Variants in CLPB observed in about 807,000 individuals in gnomAD.
CLPB encodes mitochondrial disaggregase.
CLPB carries 40 observed loss-of-function variants against 78.4 expected under a neutral mutation model. The ratio of observed to expected loss-of-function variants is 0.51; its 90% CI spans 0.40 to 0.66. The LOEUF is 0.66. Among genes scored for constraint, CLPB ranks in the 30% least tolerant of loss-of-function variants. CLPB has a pLI of 0.00. For synonymous variants in CLPB, 333 were observed against 348.0 expected, an observed-to-expected ratio of 0.96 and a Z score of 0.48; for missense variants, 780 against 886.9, an observed-to-expected ratio of 0.88 and a Z score of 1.53.
At chr11:72,376,998 A>T (rs943089752) in intron 4 of CLPB, among the ~76,000 whole-genome samples, 1 of 152,192 alleles carries the variant, frequency 6.6e-6, no homozygotes, top group African/African-American at 2.4e-5. Context: ...ACACTTGGGT[A>T]ATTACCGGGT....
In CLPB at chr11:72,361,612, C is replaced by T. The variant is rs966418897; in HGVS notation, c.647-2604G>A. ...AAAGCTGAAAAAGGAATTCAGAGTA[C>T]AGCACCTCAAAAGCCCCTAAGGGCA... On this transcript the variant is annotated intron_variant, in intron 4 of 15. Transcript: ENST00000538039. Among the ~76,000 whole-genome samples, 11 of 152,314 alleles carry T rather than the reference C, an allele frequency of 7.2e-5. No individual in the cohort carries two copies. The East Asian group carries it at 1.9e-3, about 27-fold the overall frequency.
chr11:72,344,021 C>T (rs1043925157), intron 5 of CLPB, among the ~76,000 whole-genome samples: 1 of 152,068 alleles, frequency 6.6e-6, no homozygotes, highest in South Asian at 2.1e-4. Flanking sequence ...CAATACTGCT[C>T]GACAAAACCA....
chr11:72,337,479 T>G (rs867091959), intron 5 of CLPB, among the ~76,000 whole-genome samples: 45 of 152,292 alleles, frequency 3.0e-4, no homozygotes, highest in African/African-American at 1.0e-3. Flanking sequence ...CAGGCTAACA[T>G]TTTTTGGGTA....
At chr11:72,355,906 C>A (rs1380295966) in intron 5 of CLPB, among the ~76,000 whole-genome samples, 1 of 152,194 alleles carries the variant, frequency 6.6e-6, no homozygotes, top group Non-Finnish European at 1.5e-5. Flanking sequence ...CACAGGCTGG[C>A]CTCTGTATTT....
intron 7 of CLPB, among the ~76,000 whole-genome samples, chr11:72,313,200 G>A (rs550147762): frequency 1.3e-5 from 2 of 152,242 alleles, no homozygotes; most frequent in Admixed American, 6.5e-5. Flanking sequence ...CCTTCAGAGG[G>A]ACTCTCATGG....
At chr11:72,324,286 G>A (rs1055936576) in intron 6 of CLPB, among the ~76,000 whole-genome samples, 4 of 152,080 alleles carry the variant, frequency 2.6e-5, no homozygotes, top group African/African-American at 9.7e-5. Context: ...TTAAAAAAAA[G>A]GCCAGGCATG....
intron 3 of CLPB, among the ~76,000 whole-genome samples, chr11:72,386,239 A>AT (rs1285479317): frequency 6.6e-6 from 1 of 152,124 alleles, no homozygotes; most frequent in Non-Finnish European, 1.5e-5. Context: ...GTCAGGATGA[A>AT]TTTTTTTAAA....
intron 2 of CLPB, among the ~76,000 whole-genome samples, chr11:72,427,822 G>A (rs1045248093): frequency 6.6e-6 from 1 of 152,190 alleles, no homozygotes; most frequent in Non-Finnish European, 1.5e-5. Context: ...GACTGTATGT[G>A]TAAATTCAAA....
In CLPB at chr11:72,293,491, G is replaced by C. The variant is rs760495960; in HGVS notation, c.1910C>G (p.Pro637Arg). The part of the protein sequence containing the change: ...DKQLLKSPEL[P>R]SPQAEKRLPK... ...GAGGCGCTTCTCAGCCTGGGGTGAG[G>C]GCAGTTCTGGGCTTTTGAGTAGCTG... Residue 637 changes from proline (P) to arginine (R), a missense_variant, in exon 16 of 16, where the codon CCC becomes CGC. Pro to Arg is a moderately radical substitution (Grantham distance 103). This residue lies in a region of CLPB where 272 missense variants were observed against 304.0 expected (regional missense o/e 0.89). Transcript: ENST00000538039. 1 of 1,614,158 alleles carries C rather than the reference G, an allele frequency of 6.2e-7. No homozygotes were observed. The highest frequency in any genetic ancestry group is 8.5e-7 in the Non-Finnish European group (1 of 1,180,032).
intron 9 of CLPB, among the ~76,000 whole-genome samples, chr11:72,303,671 C>T (rs1362235855): frequency 6.6e-6 from 1 of 152,200 alleles, no homozygotes; most frequent in Non-Finnish European, 1.5e-5. Flanking sequence ...GCTATCAGCA[C>T]ATGGGGCATA....
At chr11:72,297,023 C>T (rs1949563373) in intron 11 of CLPB, among the ~76,000 whole-genome samples, 2 of 152,244 alleles carry the variant, frequency 1.3e-5, no homozygotes, top group Non-Finnish European at 1.5e-5. Context: ...AGGCCTCGTG[C>T]TATTTTCTTT....
At position 72,331,358 on chromosome 11, in the gene CLPB, C is replaced by G. The variant is rs112320974; in HGVS notation, c.776-1554G>C. On this transcript the variant is annotated intron_variant, in intron 5 of 15. Coordinates refer to ENST00000538039, the MANE Select transcript of CLPB (RefSeq NM_001258392.3). ...GGCGGAGCTTGCAGTGAGCAGAGAT[C>G]GCGCCACTGCACTCTAGCCTGGGCG... Among the ~76,000 whole-genome samples the G allele has an allele frequency of 8.8e-3, 1,329 of 150,754 alleles. 11 individuals carry two copies. Among genetic ancestry groups the G allele is most frequent in the African/African-American group, 0.031 (1,269 of 41,128 alleles).
chr11:72,379,017 G>A (rs1854813175), intron 4 of CLPB, among the ~76,000 whole-genome samples: 1 of 152,194 alleles, frequency 6.6e-6, no homozygotes, highest in South Asian at 2.1e-4. Context: ...GAGGTGGAAG[G>A]GAAGGGAGAG....
At chr11:72,297,237 G>C (rs955452456) in intron 11 of CLPB, among the ~76,000 whole-genome samples, 1 of 152,234 alleles carries the variant, frequency 6.6e-6, no homozygotes, top group African/African-American at 2.4e-5. Context: ...CTGAGCCAGG[G>C]ATGCTGGGCC....
At position 72,295,531 on chromosome 11, in the gene CLPB, C is replaced by T. The variant is rs1949535575; in HGVS notation, c.1447G>A (p.Ala483Thr). The T allele has an allele frequency of 6.2e-6, 10 of 1,614,210 alleles. No individual in the cohort carries two copies. The East Asian group carries it at 2.0e-4, about 32-fold the overall frequency. The change falls in exon 12 of 16, where the codon GCT becomes ACT. Residue 483 changes from alanine (A) to threonine (T), a missense_variant. Around this residue, in one of 3 missense-constraint regions of CLPB, gnomAD observed 272 missense variants for 304.0 expected, o/e 0.89. Coordinates refer to ENST00000538039, the MANE Select transcript of CLPB (RefSeq NM_001258392.3). Reference protein sequence around the residue: ...AQHALQLRQEALEMSRNRIAE... With the variant: ...AQHALQLRQETLEMSRNRIAE... ...ATACGGTTACGGCTCATCTCCAAAG[C>T]TTCCTGCCTCAGCTGCAGCGCGTGC...
At chr11:72,416,246 G>A (rs1856017430) in intron 2 of CLPB, among the ~76,000 whole-genome samples, 1 of 152,086 alleles carries the variant, frequency 6.6e-6, no homozygotes, top group African/African-American at 2.4e-5. Flanking sequence ...AAAGCTCCTT[G>A]TATACAAATA....
At chr11:72,427,013 G>T (rs1023591028) in intron 2 of CLPB, among the ~76,000 whole-genome samples, 1 of 152,244 alleles carries the variant, frequency 6.6e-6, no homozygotes, top group African/African-American at 2.4e-5. Context: ...ATCACACCCA[G>T]CTGGGAGGAA....
At chr11:72,300,581 C>G (rs1949637735) in intron 11 of CLPB, among the ~76,000 whole-genome samples, 1 of 152,166 alleles carries the variant, frequency 6.6e-6, no homozygotes, top group Non-Finnish European at 1.5e-5. Flanking sequence ...GGCAAGGAGG[C>G]TGGGCCAGGT....
At chr11:72,417,398 CAGAA>C (rs1347431832) in intron 2 of CLPB, among the ~76,000 whole-genome samples, 1 of 151,962 alleles carries the variant, frequency 6.6e-6, no homozygotes, top group Admixed American at 6.6e-5. Context: ...AATCCAGAAA[CAGAA>C]AGCAGATTAG....
Sources: gnomAD v4.1 joint callset for allele counts (sites outside exome capture counted in the v4.1 genomes callset) on GRCh38, gnomAD v4.1.1 for gene constraint, gnomAD v4.1.1 regional missense constraint, MANE v1.5 for transcripts, NCBI Gene and HGNC (gene_info 2026-07-23, HGNC 2026-07-21) for gene names.